TMTC2: variants seen among roughly 807,000 people sequenced by gnomAD.
TMTC2 encodes the protein transmembrane O-mannosyltransferase targeting cadherins 2.
A neutral mutation model predicts 82.4 loss-of-function variants in TMTC2; 43 were observed. That is an observed-to-expected ratio of 0.52 (90% CI 0.41 to 0.67). The LOEUF is 0.67. TMTC2 is among the 30% of genes least tolerant of loss of function. TMTC2 has a pLI of 0.00. For synonymous variants in TMTC2, 408 were observed against 381.9 expected (o/e 1.07, Z -0.80); for missense variants, 919 against 1,012.4 (o/e 0.91, Z 1.25).
chr12:83,008,330 T>G (rs1053410616), intron 8 of TMTC2, among the ~76,000 whole-genome samples: 1 of 152,196 alleles, frequency 6.6e-6, no homozygotes, highest in African/African-American at 2.4e-5. Flanking sequence ...ATGTCACATA[T>G]ATTGAAATTT....
chr12:82,940,338 T>C (rs966076192), intron 4 of TMTC2, among the ~76,000 whole-genome samples: 16 of 152,142 alleles, frequency 1.1e-4, no homozygotes, highest in Admixed American at 5.2e-4. Flanking sequence ...TTTCTACATT[T>C]CTTTCAATTT....
intron 1 of TMTC2, among the ~76,000 whole-genome samples, chr12:82,708,115 G>A (rs1447728436): frequency 2.0e-5 from 3 of 152,156 alleles, no homozygotes; most frequent in East Asian, 1.9e-4. Flanking sequence ...TCTCTACAAT[G>A]TCAGGGTTTA....
At chr12:83,077,364 A>G (rs548836172) in intron 11 of TMTC2, among the ~76,000 whole-genome samples, 24 of 152,192 alleles carry the variant, frequency 1.6e-4, no homozygotes, top group African/African-American at 5.5e-4. Context: ...GTTCTCCCCT[A>G]GTGTCTTACA....
At chr12:82,971,562 T>G (rs139481698) in intron 7 of TMTC2, among the ~76,000 whole-genome samples, 49 of 152,246 alleles carry the variant, frequency 3.2e-4, no homozygotes, top group African/African-American at 1.0e-3. Flanking sequence ...CAATTATTTT[T>G]ATCTGTTTGA....
At chr12:82,930,778 G>T (rs1252499752) in intron 4 of TMTC2, among the ~76,000 whole-genome samples, 4 of 152,072 alleles carry the variant, frequency 2.6e-5, no homozygotes, top group Admixed American at 1.3e-4. Context: ...TTTGGAAGTA[G>T]TATGCCATGT....
intron 1 of TMTC2, among the ~76,000 whole-genome samples, chr12:82,820,849 T>G (rs532849481): frequency 6.6e-6 from 1 of 152,284 alleles, no homozygotes; most frequent in Non-Finnish European, 1.5e-5. Context: ...ACCTGGATTC[T>G]ATGTTTTTAC....
chr12:82,800,206 A>G (rs1296958797), intron 1 of TMTC2, among the ~76,000 whole-genome samples: 3 of 152,096 alleles, frequency 2.0e-5, no homozygotes, highest in African/African-American at 7.2e-5. Context: ...TTACTCTTAA[A>G]ACCTTAACTG....
intron 1 of TMTC2, among the ~76,000 whole-genome samples, chr12:82,712,540 G>A (rs1873682409): frequency 6.6e-6 from 1 of 151,862 alleles, no homozygotes; most frequent in African/African-American, 2.4e-5. Context: ...TCCAAATCAT[G>A]CTGCGTGGGC....
In TMTC2 at chr12:83,071,043, C is replaced by T. The variant is rs975237797; in HGVS notation, c.2331+9212C>T. ...TCCTGCATCCCTGCTATGAAATGCA[C>T]TCGATCATGGTGGATTATCTTTTTT... On this transcript the variant is annotated intron_variant, in intron 11 of 11. Coordinates refer to ENST00000321196, the MANE Select transcript of TMTC2 (RefSeq NM_152588.3). 5.9e-5 allele frequency among the ~76,000 whole-genome samples: 9 copies of T among 152,086 alleles called. No homozygotes were observed. In the South Asian group the frequency reaches 1.7e-3, roughly 28 times the overall value.
At position 82,717,420 on chromosome 12, in the gene TMTC2, G is replaced by A. The variant is rs371700993; in HGVS notation, c.83+29751G>A. On this transcript the variant is annotated intron_variant, in intron 1 of 11. Coordinates refer to ENST00000321196, the MANE Select transcript of TMTC2 (RefSeq NM_152588.3). The stretch of plus-strand genomic sequence containing the variant: ...TTTATTTTATTTTTTTAGTAGAGAT[G>A]GGGTTTTACCATGTTGGCCAGGCTG... Among the ~76,000 whole-genome samples, 517 of 152,000 alleles carry A rather than the reference G, an allele frequency of 3.4e-3. 2 individuals carry two copies. The highest frequency in any genetic ancestry group is 0.011 in the African/African-American group (464 of 41,468).
rs977717918 is a variant in TMTC2 at position 83,134,682 on chromosome 12, A to T, written c.*2293A>T. The T allele has an allele frequency of 6.6e-6, 1 of 152,188 alleles. No homozygotes were observed. Among genetic ancestry groups the T allele is most frequent in the African/African-American group, 2.4e-5 (1 of 41,440 alleles). 9.4% of individuals were successfully genotyped at this position (152,188 alleles called of 1,614,324 possible). On this transcript the variant is annotated 3_prime_UTR_variant, in exon 12 of 12. Transcript: ENST00000321196. ...GTCTCCGCTCAGGGATTTATGGTGG[A>T]TTATTGCAGACAGTGCTAAAAATAT... is the stretch of plus-strand genomic sequence containing the variant.
chr12:83,112,500 G>C (rs978148435), intron 11 of TMTC2, among the ~76,000 whole-genome samples: 2 of 152,158 alleles, frequency 1.3e-5, no homozygotes, highest in African/African-American at 2.4e-5. Context: ...ATAGGCATTA[G>C]AGCATAGCTT....
At chr12:83,030,675 AAT>A (rs1491495315) in intron 8 of TMTC2, 121 bp from the exon 9 acceptor site, 10 of 652,368 alleles carry the variant, frequency 1.5e-5, no homozygotes, top group Admixed American at 8.8e-5. Context: ...TAAAAACAAA[AAT>A]TTTTTTTTTC....
intron 1 of TMTC2, among the ~76,000 whole-genome samples, chr12:82,730,643 C>T (rs2136939705): frequency 6.6e-6 from 1 of 152,288 alleles, no homozygotes; most frequent in Non-Finnish European, 1.5e-5. Context: ...ATTGAAGACA[C>T]TAGTTTAAGA....
chr12:82,965,036 C>A lies in TMTC2; in HGVS notation c.1611C>A (p.Leu537=). 1 of 1,612,066 alleles carries A rather than the reference C, an allele frequency of 6.2e-7. No individual in the cohort carries two copies. The highest frequency in any genetic ancestry group is 8.5e-7 in the Non-Finnish European group (1 of 1,178,764). The change falls in exon 5 of 12, where the codon CTC becomes CTA. Residue 537 remains leucine, a synonymous_variant. Coordinates refer to ENST00000321196, the MANE Select transcript of TMTC2 (RefSeq NM_152588.3). ...TTTCCTCATGCAGAGGGCTACTTCTCCAGGAGAACAGCAGGTTTGCAGAAG... is the reference window on the plus strand; with the variant it reads ...TTTCCTCATGCAGAGGGCTACTTCTACAGGAGAACAGCAGGTTTGCAGAAG... ...ADMLYNLGLL[L]QENSRFAEAL... is the part of the protein sequence containing the mutation.
intron 1 of TMTC2, among the ~76,000 whole-genome samples, chr12:82,715,951 G>C (rs576451028): frequency 7.2e-5 from 11 of 152,192 alleles, no homozygotes; most frequent in African/African-American, 2.6e-4. Flanking sequence ...CCCTCCGCTC[G>C]TATTATCATC....
intron 4 of TMTC2, among the ~76,000 whole-genome samples, chr12:82,958,270 G>T (rs569542573): frequency 1.4e-5 from 2 of 147,580 alleles, no homozygotes; most frequent in East Asian, 4.2e-4. Context: ...CAGGAGAATC[G>T]CTTGAGCCTG....
intron 11 of TMTC2, among the ~76,000 whole-genome samples, chr12:83,093,143 C>G (rs1215790887): frequency 6.6e-6 from 1 of 152,146 alleles, no homozygotes; most frequent in Non-Finnish European, 1.5e-5. Flanking sequence ...ACATGTTTCC[C>G]TATCAACGTC....
intron 8 of TMTC2, among the ~76,000 whole-genome samples, chr12:83,000,930 C>A (rs2137366992): frequency 6.6e-6 from 1 of 152,304 alleles, no homozygotes; most frequent in East Asian, 1.9e-4. Context: ...CTTCCACCCA[C>A]TGAAGCAACA....
Sources: allele counts gnomAD v4.1 joint callset (sites outside exome capture counted in the v4.1 genomes callset), GRCh38; gene constraint gnomAD v4.1.1; transcripts MANE v1.5; gene names NCBI Gene and HGNC (gene_info 2026-07-23, HGNC 2026-07-21).